Variants in GLRA1 observed in about 807,000 individuals in gnomAD.
The protein encoded by GLRA1 is glycine receptor subunit alpha-1.
A neutral mutation model predicts 48.3 loss-of-function variants in GLRA1; 37 were observed. That is an observed-to-expected ratio of 0.77 (90% confidence interval 0.59 to 1.01). The LOEUF is 1.01. Ranked by LOEUF, GLRA1 falls within the 50% of genes least tolerant of loss-of-function variation. GLRA1 has a pLI of 0.00. For synonymous variants in GLRA1, 196 were observed against 210.7 expected (o/e 0.93, Z 0.60); for missense variants, 427 against 571.0 (o/e 0.75, Z 2.57).
Position 151,851,402 on chromosome 5 carries a change from T to A in GLRA1, c.900A>T (p.Ala300=), listed in dbSNP as rs369314432. The stretch of plus-strand genomic sequence containing the variant: ...CAATGGGACTTACCTTGGGCAGAGA[T>A]GCTCGAGAGCCGGAGCTCTGGGTGG... ...TMTTQSSGSR[A]SLPKVSYVKA... is the part of the protein sequence containing the mutation. Residue 300 remains alanine, a synonymous_variant, in exon 7 of 9, where the codon GCA becomes GCT. Transcript: ENST00000274576. The A allele has an allele frequency of 6.8e-6, 11 of 1,612,560 alleles. No homozygotes were observed. The highest frequency in any genetic ancestry group is 9.3e-6 in the Non-Finnish European group (11 of 1,179,162).
At chr5:151,871,135 T>A (rs1244791488) in intron 3 of GLRA1, among the ~76,000 whole-genome samples, 2 of 149,454 alleles carry the variant, frequency 1.3e-5, no homozygotes, top group Non-Finnish European at 2.9e-5. Flanking sequence ...TAGACTCTAA[T>A]GGCATTTCTG....
At chr5:151,904,203 G>A (rs1050819149) in intron 1 of GLRA1, among the ~76,000 whole-genome samples, 4 of 152,146 alleles carry the variant, frequency 2.6e-5, no homozygotes, top group East Asian at 1.9e-4. Flanking sequence ...CTCTAGGGTC[G>A]TTGCTGAGGT....
rs1403553416 is a variant in GLRA1 at position 151,828,929 on chromosome 5, G to A, written c.1051C>T (p.His351Tyr). Residue 351 changes from histidine (H) to tyrosine (Y), a missense_variant, in exon 8 of 9, where the codon CAT becomes TAT. His to Tyr is a moderately conservative substitution (Grantham distance 83). Transcript: ENST00000274576. The part of the protein sequence containing the change: ...ELLRFRRKRR[H>Y]HKEDEAGEGR... Reference sequence around the variant, plus strand: ...GTGACCCAAAGGCCTACCTTGTGATGTCTCCGCTTCCTCCTGAATCGGAGC... The same window carrying A: ...GTGACCCAAAGGCCTACCTTGTGATATCTCCGCTTCCTCCTGAATCGGAGC... 2 of 1,614,060 alleles carry A rather than the reference G, an allele frequency of 1.2e-6. No individual in the cohort carries two copies. The highest frequency in any genetic ancestry group is 2.2e-5 in the South Asian group (2 of 91,068).
At chr5:151,831,699 G>T (rs1472389611) in intron 7 of GLRA1, among the ~76,000 whole-genome samples, 1 of 152,202 alleles carries the variant, frequency 6.6e-6, no homozygotes, top group Non-Finnish European at 1.5e-5. Context: ...AAGCACCTGG[G>T]GGAAGGGACA....
At chr5:151,906,307 C>A (rs946924016) in intron 1 of GLRA1, among the ~76,000 whole-genome samples, 2 of 152,156 alleles carry the variant, frequency 1.3e-5, no homozygotes, top group Admixed American at 6.5e-5. Context: ...CTTATGCCAG[C>A]CTAAGTTTAA....
intron 7 of GLRA1, among the ~76,000 whole-genome samples, chr5:151,849,305 TTCCC>T (rs1242905177): frequency 1.5e-4 from 20 of 130,368 alleles, no homozygotes; most frequent in Middle Eastern, 3.7e-3. Flanking sequence ...CTTTCTTTCT[TTCCC>T]TCCCTCCCTC....
chr5:151,828,722 G>C (rs1467724186), intron 8 of GLRA1, among the ~76,000 whole-genome samples, 199 bp downstream of exon 8: 2 of 152,236 alleles, frequency 1.3e-5, no homozygotes, highest in African/African-American at 4.8e-5. Context: ...GATTCGAAGA[G>C]TGACTGCCTA....
chr5:151,892,710 T>G (rs1052136178), intron 1 of GLRA1, among the ~76,000 whole-genome samples: 15 of 152,148 alleles, frequency 9.9e-5, no homozygotes, highest in Non-Finnish European at 8.8e-5. Context: ...GGATTTTGAG[T>G]AATCACACTT....
At chr5:151,882,694 T>C (rs986203948) in intron 3 of GLRA1, among the ~76,000 whole-genome samples, 2 of 151,876 alleles carry the variant, frequency 1.3e-5, no homozygotes, top group Non-Finnish European at 2.9e-5. Context: ...CTCCAGAAAA[T>C]AGAGAGCCAG....
chr5:151,850,293 G>T, intron 7 of GLRA1: 1 of 1,602,860 alleles, frequency 6.2e-7, no homozygotes, highest in East Asian at 2.2e-5. Flanking sequence ...ATTTCAAACC[G>T]GACCCTGTGA....
Position 151,924,528 on chromosome 5 carries a change from G to C in GLRA1, c.22C>G (p.Arg8Gly). Residue 8 changes from arginine (R) to glycine (G), a missense_variant, in exon 1 of 9, where the codon CGA (arginine) becomes GGA (glycine). Transcript: ENST00000274576. ...ACAATGGTCTCCCAAAGGTAGAGTC[G>C]AAGAGTATTGAAGCTGTACATTTTT... MYSFNTL[R>G]LYLWETIVFF... The C allele has an allele frequency of 6.2e-7, 1 of 1,603,634 alleles. No individual in the cohort carries two copies. The highest frequency in any genetic ancestry group is 8.5e-7 in the Non-Finnish European group (1 of 1,170,472).
At chr5:151,864,423 A>T (rs1031778039) in intron 3 of GLRA1, among the ~76,000 whole-genome samples, 2 of 152,170 alleles carry the variant, frequency 1.3e-5, no homozygotes, top group Non-Finnish European at 2.9e-5. Context: ...TCCCATAGTG[A>T]GGGTAAGAAA....
intron 3 of GLRA1, among the ~76,000 whole-genome samples, chr5:151,881,132 C>A (rs1021903085): frequency 2.0e-5 from 3 of 152,200 alleles, no homozygotes; most frequent in African/African-American, 7.2e-5. Flanking sequence ...CACGATCCCT[C>A]AGTATATACC....
intron 1 of GLRA1, among the ~76,000 whole-genome samples, chr5:151,922,417 T>C (rs1754898580): frequency 6.6e-6 from 1 of 152,260 alleles, no homozygotes; most frequent in African/African-American, 2.4e-5. Context: ...GAAAAATTGC[T>C]GAATTTCCTG....
chr5:151,896,842 A>T (rs919332453), intron 1 of GLRA1, among the ~76,000 whole-genome samples: 1 of 152,254 alleles, frequency 6.6e-6, no homozygotes, highest in Admixed American at 6.5e-5. Flanking sequence ...GAACCATAAT[A>T]GCAAATACAA....
chr5:151,845,538 C>A (rs1752653990), intron 7 of GLRA1, among the ~76,000 whole-genome samples: 1 of 152,158 alleles, frequency 6.6e-6, no homozygotes. Context: ...CCATTTCACA[C>A]CCACTAAATG....
intron 7 of GLRA1, among the ~76,000 whole-genome samples, chr5:151,841,888 C>T (rs1763718965): frequency 6.6e-6 from 1 of 152,072 alleles, no homozygotes; most frequent in Non-Finnish European, 1.5e-5. Flanking sequence ...GAAACCCCAT[C>T]TCTACTAAAA....
chr5:151,854,323 ATCTC>A (rs1211213919), intron 6 of GLRA1, among the ~76,000 whole-genome samples: 1 of 151,940 alleles, frequency 6.6e-6, no homozygotes, highest in African/African-American at 2.4e-5. Flanking sequence ...GTTTCTCTCA[ATCTC>A]TCTCTTTCAC....
At chr5:151,823,083 G>A in intron 8 of GLRA1, 120 bp from the exon 9 acceptor site, 2 of 911,616 alleles carry the variant, frequency 2.2e-6, no homozygotes, top group South Asian at 1.8e-5. Flanking sequence ...TTTCCAGACT[G>A]CATCACTCTA....
Sources: gnomAD v4.1 joint callset for allele counts (sites outside exome capture counted in the v4.1 genomes callset) on GRCh38, gnomAD v4.1.1 for gene constraint, MANE v1.5 for transcripts, NCBI Gene and HGNC (gene_info 2026-07-23, HGNC 2026-07-21) for gene names.